SMG6: variants seen among roughly 807,000 people sequenced by gnomAD.
The protein encoded by SMG6 is SMG6 nonsense mediated mRNA decay factor, also known as telomerase-binding protein EST1A.
SMG6 carries 66 observed loss-of-function variants against 142.2 expected under a neutral mutation model. That is an observed-to-expected ratio of 0.46 (90% CI 0.38 to 0.57). The LOEUF (loss-of-function observed/expected upper bound fraction) is 0.57, where lower values mean the gene tolerates loss of function less well. Among genes scored for constraint, SMG6 ranks in the 20% least tolerant of loss-of-function variants. SMG6 has a pLI of 0.00. For missense variants in SMG6, 1,793 were observed against 1,832.0 expected (o/e 0.98, Z 0.39); for synonymous variants, 779 against 702.4 (o/e 1.11, Z -1.72).
At chr17:2,063,585 A>G (rs1256264860) in intron 18 of SMG6, among the ~76,000 whole-genome samples, 1 of 152,360 alleles carries the variant, frequency 6.6e-6, no homozygotes, top group Non-Finnish European at 1.5e-5. Flanking sequence ...GGGGCCCAGC[A>G]GTCCTGGAAC....
At chr17:2,096,971 T>G (rs1219599972) in intron 13 of SMG6, among the ~76,000 whole-genome samples, 1 of 152,128 alleles carries the variant, frequency 6.6e-6, no homozygotes, top group Non-Finnish European at 1.5e-5. Context: ...CAAAGTGAAT[T>G]CTTTTGTCCT....
chr17:2,108,434 T>C (rs2069214414), intron 13 of SMG6, among the ~76,000 whole-genome samples: 1 of 151,850 alleles, frequency 6.6e-6, no homozygotes, highest in Non-Finnish European at 1.5e-5. Flanking sequence ...CTGGCCAACA[T>C]AGTGAAACCC....
chr17:2,165,382 A>G (rs1318447219), intron 13 of SMG6, among the ~76,000 whole-genome samples: 1 of 152,230 alleles, frequency 6.6e-6, no homozygotes, highest in Non-Finnish European at 1.5e-5. Flanking sequence ...TCATTTATTG[A>G]CATTGCACAC....
At chr17:2,095,300 C>G (rs2068827243) in intron 13 of SMG6, among the ~76,000 whole-genome samples, 1 of 152,242 alleles carries the variant, frequency 6.6e-6, no homozygotes, top group Non-Finnish European at 1.5e-5. Context: ...TCTAGTCACT[C>G]TGAACCACAC....
chr17:2,093,134 C>T (rs943506423), intron 13 of SMG6, among the ~76,000 whole-genome samples: 55 of 150,668 alleles, frequency 3.7e-4, no homozygotes, highest in African/African-American at 1.3e-3. Flanking sequence ...GTGGAGGTTA[C>T]AGTGAGCTCA....
At chr17:2,288,437 T>G (rs376127853) in intron 6 of SMG6, among the ~76,000 whole-genome samples, 1 of 150,730 alleles carries the variant, frequency 6.6e-6, no homozygotes, top group African/African-American at 2.4e-5. Flanking sequence ...CTGAGCAACA[T>G]AGTGAAACCA....
At chr17:2,257,344 T>C (rs1040481697) in intron 8 of SMG6, among the ~76,000 whole-genome samples, 5 of 152,088 alleles carry the variant, frequency 3.3e-5, no homozygotes, top group Non-Finnish European at 7.4e-5. Flanking sequence ...TCCCAAAGTG[T>C]TGGGATTACA....
chr17:2,297,300 G>C lies in SMG6; in HGVS notation c.2094C>G (p.Phe698Leu), dbSNP rs769334308. ...GACCATCCATGTAGTCTTCCAGTTT[G>C]AACTTGTAAGTAACCTGCAGCTTCT... The part of the protein sequence containing the change: ...LLQKLQVTYK[F>L]KLEDYMDGLA... The change falls in exon 4 of 19, where the codon TTC becomes TTG. Residue 698 changes from phenylalanine (F) to leucine (L), a missense_variant. Phe to Leu is a conservative substitution (Grantham distance 22). This residue lies in a region of SMG6 where 1,597 missense variants were observed against 1,584.6 expected (regional missense o/e 1.01). Transcript: ENST00000263073. 1.2e-5 allele frequency: 20 copies of C among 1,613,644 alleles called. No individual in the cohort carries two copies. The highest frequency in any genetic ancestry group is 2.2e-5 in the East Asian group (1 of 44,872).
chr17:2,270,858 A>G (rs956874633), intron 8 of SMG6, among the ~76,000 whole-genome samples: 1 of 152,092 alleles, frequency 6.6e-6, no homozygotes, highest in Non-Finnish European at 1.5e-5. Flanking sequence ...GCATTTTCAG[A>G]CTCAATCTTT....
chr17:2,122,522 CA>C (rs2069735134), intron 13 of SMG6: 1 of 152,126 alleles, frequency 6.6e-6, no homozygotes, highest in Non-Finnish European at 1.5e-5. Flanking sequence ...TATAAATCCC[CA>C]AATTCTAAAG....
At chr17:2,200,770 C>T (rs1418608764) in intron 10 of SMG6, among the ~76,000 whole-genome samples, 1 of 152,058 alleles carries the variant, frequency 6.6e-6, no homozygotes, top group African/African-American at 2.4e-5. Flanking sequence ...AGTGCAGTGG[C>T]GCAATCATAG....
At chr17:2,184,960 C>CAA (rs58230459) in intron 12 of SMG6, among the ~76,000 whole-genome samples, 7,078 of 22,462 alleles carry the variant, frequency 0.32, 3,059 homozygotes, top group Admixed American at 0.39. Context: ...GACTCCATCT[C>CAA]AAAAAAAAAA....
rs888045149 is a variant in SMG6, at chr17:2,110,871, T to C, written c.3358-24970A>G. Among the ~76,000 whole-genome samples, 4 of 152,204 alleles carry C rather than the reference T, an allele frequency of 2.6e-5. No homozygotes were observed. The East Asian group carries it at 7.7e-4, about 29-fold the overall frequency. ...TTTGAAGGCCAGAAACAAAGAGTGC[T>C]ATATATGTATTTACTGTGAAAATTA... On this transcript the variant is annotated intron_variant, in intron 13 of 18. Coordinates refer to ENST00000263073, the MANE Select transcript of SMG6 (RefSeq NM_017575.5).
chr17:2,105,483 C>A (rs567264764), intron 13 of SMG6, among the ~76,000 whole-genome samples: 62 of 152,184 alleles, frequency 4.1e-4, no homozygotes, highest in African/African-American at 1.3e-3. Flanking sequence ...GCGGAGAGTG[C>A]AGTGAGCCAA....
Position 2,061,287 on chromosome 17 carries a change from T to G in SMG6, c.*205A>C, listed in dbSNP as rs1597309055. On this transcript the variant is annotated 3_prime_UTR_variant, in exon 19 of 19. Transcript: ENST00000263073. ...GCTAAATCCTGGCAGCCCAGGAGGG[T>G]CCCAGCAGCTTCCGCCCGATCCTTG... The G allele has an allele frequency of 3.6e-6, 2 of 553,450 alleles. No homozygotes were observed. The highest frequency in any genetic ancestry group is 2.1e-5 in the South Asian group (1 of 47,392). The allele number at this position is 553,450 out of a possible 1,614,324, so 34.3% of individuals were successfully genotyped here. A position where few individuals can be genotyped will look rare whatever the true frequency, so the allele number is the denominator to read the frequency against.
At chr17:2,141,673 G>A (rs555771311) in intron 13 of SMG6, among the ~76,000 whole-genome samples, 1 of 152,264 alleles carries the variant, frequency 6.6e-6, no homozygotes, top group East Asian at 1.9e-4. Flanking sequence ...GAACTCCTGG[G>A]CTCAAGTGCT....
At chr17:2,288,133 G>A (rs1302805639) in intron 6 of SMG6, among the ~76,000 whole-genome samples, 1 of 152,010 alleles carries the variant, frequency 6.6e-6, no homozygotes, top group African/African-American at 2.4e-5. Flanking sequence ...GGCCAACATG[G>A]TGAAACCCCA....
rs139116937 is a variant in SMG6 at position 2,299,472 on chromosome 17, G to C, written c.1281C>G (p.Ser427=). Residue 427 remains serine (S), a synonymous_variant, in exon 2 of 19, where the codon TCC becomes TCG. Coordinates refer to ENST00000263073, the MANE Select transcript of SMG6 (RefSeq NM_017575.5). The surrounding 1 kb of genome is among the most constrained non-coding windows in gnomAD (Gnocchi z 4.3). Reference sequence around the variant, plus strand: ...ACAAAAGCCGAGGTCCCAAAGGCGCGGACTCTGGAGAACCTGCTGAATTGA... The same window carrying C: ...ACAAAAGCCGAGGTCCCAAAGGCGCCGACTCTGGAGAACCTGCTGAATTGA... ...LSVNSAGSPE[S]APLGPRLLFG... is the part of the protein sequence containing the mutation. 1.2e-6 allele frequency: 2 copies of C among 1,614,034 alleles called. No individual in the cohort carries two copies. Among genetic ancestry groups the C allele is most frequent in the Non-Finnish European group, 1.7e-6 (2 of 1,180,036 alleles).
intron 1 of SMG6, among the ~76,000 whole-genome samples, chr17:2,302,437 A>T (rs2151422083): frequency 6.6e-6 from 1 of 152,264 alleles, no homozygotes; most frequent in South Asian, 2.1e-4. Context: ...GCTACTGGGG[A>T]GGCTGAGGTA....
Sources: allele counts gnomAD v4.1 joint callset (sites outside exome capture counted in the v4.1 genomes callset), GRCh38; gene constraint gnomAD v4.1.1; regional missense constraint gnomAD v4.1.1; non-coding constraint Gnocchi (gnomAD v3.1); transcripts MANE v1.5; gene names NCBI Gene and HGNC (gene_info 2026-07-23, HGNC 2026-07-21).